The following CHRM3 variants were observed in gnomAD, a reference collection of about 807,000 sequenced individuals.
CHRM3 encodes cholinergic receptor muscarinic 3, also known as muscarinic acetylcholine receptor M3.
In CHRM3, 11 loss-of-function variants were observed where a neutral mutation model predicts 41.8. That is an observed-to-expected ratio of 0.26 (90% confidence interval 0.17 to 0.44). CHRM3 has a LOEUF of 0.44. Among genes scored for constraint, CHRM3 ranks in the 20% least tolerant of loss-of-function variants. CHRM3 has a pLI of 1.00. For missense variants in CHRM3, 571 were observed against 745.4 expected (o/e 0.77, Z 2.72); for synonymous variants, 297 against 301.4 (o/e 0.99, Z 0.15).
At chr1:239,392,751 A>G (rs941501958) in intron 1 of CHRM3, among the ~76,000 whole-genome samples, 5 of 152,206 alleles carry the variant, frequency 3.3e-5, no homozygotes, top group South Asian at 2.1e-4. Context: ...ATATAAAAAT[A>G]TTCTGTCACT....
chr1:239,653,843 C>G (rs574612850), intron 4 of CHRM3, among the ~76,000 whole-genome samples: 1 of 152,178 alleles, frequency 6.6e-6, no homozygotes, highest in Non-Finnish European at 1.5e-5. Context: ...GAGAGAGTTG[C>G]AATCTTTTTG....
Position 239,843,464 on chromosome 1 carries a change from T to C in CHRM3, c.-20+16086T>C, listed in dbSNP as rs982775966. ...TCGCTTTCCTTTTTTTTTTTTTTTT[T>C]TTTTTTGGCATTCCTCTTAGGACTT... On this transcript the variant is annotated intron_variant, in intron 6 of 6. Transcript: ENST00000676153. Among the ~76,000 whole-genome samples the C allele has an allele frequency of 1.6e-4, 24 of 149,664 alleles. No homozygotes were observed. In the East Asian group the frequency reaches 4.7e-3, roughly 30 times the overall value.
In CHRM3 at chr1:239,623,035, T is replaced by C. The variant is rs1327568153; in HGVS notation, c.-312-9189T>C. On this transcript the variant is annotated intron_variant, in intron 3 of 6. Coordinates refer to ENST00000676153, the MANE Select transcript of CHRM3 (RefSeq NM_001375978.1). ...CCTGATCAGTCAGCACCCATCAACA[T>C]TGAGGCAAACCCTCCACCAAAAAAA... is the stretch of plus-strand genomic sequence containing the variant. Among the ~76,000 whole-genome samples, 8 of 152,120 alleles carry C rather than the reference T, an allele frequency of 5.3e-5. No individual in the cohort carries two copies. In the East Asian group the frequency reaches 1.4e-3, roughly 26 times the overall value.
intron 5 of CHRM3, among the ~76,000 whole-genome samples, chr1:239,826,666 G>C (rs1381161244): frequency 6.6e-6 from 1 of 152,134 alleles, no homozygotes; most frequent in East Asian, 1.9e-4. Flanking sequence ...TTGTTAAATA[G>C]ATTTTTGATA....
chr1:239,511,715 G>T (rs192737596), intron 2 of CHRM3, among the ~76,000 whole-genome samples: 1 of 152,180 alleles, frequency 6.6e-6, no homozygotes, highest in South Asian at 2.1e-4. Flanking sequence ...AAGTTTAATC[G>T]TACAAAGTAC....
chr1:239,399,693 G>A (rs1162978794), intron 1 of CHRM3, among the ~76,000 whole-genome samples: 4 of 149,778 alleles, frequency 2.7e-5, no homozygotes, highest in Admixed American at 6.8e-5. Flanking sequence ...TCTTTTAAGC[G>A]TGAATGGTAT....
chr1:239,640,829 G>A (rs1266429515), intron 4 of CHRM3, among the ~76,000 whole-genome samples: 1 of 148,110 alleles, frequency 6.8e-6, no homozygotes, highest in African/African-American at 2.5e-5. Flanking sequence ...GTTTGCTCTT[G>A]CTTTTCTAGT....
chr1:239,839,917 A>G (rs1240922719), intron 6 of CHRM3, among the ~76,000 whole-genome samples: 1 of 152,220 alleles, frequency 6.6e-6, no homozygotes, highest in Admixed American at 6.5e-5. Context: ...TTCTCCCAGC[A>G]GGCAAGAAAG....
intron 6 of CHRM3, among the ~76,000 whole-genome samples, chr1:239,887,807 A>G (rs1442105994): frequency 6.6e-6 from 1 of 152,196 alleles, no homozygotes; most frequent in Non-Finnish European, 1.5e-5. Flanking sequence ...TGAAGCTAAT[A>G]AAGCTGAAAC....
intron 3 of CHRM3, chr1:239,606,300 G>A (rs1558367011): frequency 7.5e-6 from 1 of 133,114 alleles, no homozygotes; most frequent in African/African-American, 2.7e-5. Context: ...GGGGGGGGAA[G>A]AATCTCACTC....
At chr1:239,750,072 A>T (rs1427244120) in intron 5 of CHRM3, among the ~76,000 whole-genome samples, 1 of 152,192 alleles carries the variant, frequency 6.6e-6, no homozygotes, top group Admixed American at 6.5e-5. Context: ...TGTAAGAATC[A>T]CCCATTCAGA....
chr1:239,813,833 C>T (rs1477601588), intron 5 of CHRM3, among the ~76,000 whole-genome samples: 5 of 136,448 alleles, frequency 3.7e-5, no homozygotes, highest in African/African-American at 6.1e-5. Flanking sequence ...AGGAGAATGG[C>T]GTGAACCCGG....
At chr1:239,884,389 A>C (rs1677895189) in intron 6 of CHRM3, among the ~76,000 whole-genome samples, 1 of 152,188 alleles carries the variant, frequency 6.6e-6, no homozygotes, top group African/African-American at 2.4e-5. Flanking sequence ...GGGACAAGGA[A>C]AGGATTCTCT....
intron 6 of CHRM3, among the ~76,000 whole-genome samples, chr1:239,839,416 CT>C (rs1673595559): frequency 6.6e-6 from 1 of 152,136 alleles, no homozygotes; most frequent in Non-Finnish European, 1.5e-5. Flanking sequence ...CTCTGTTGGG[CT>C]TTTGGAATGC....
chr1:239,621,865 C>CGCCG (rs1668400394), intron 3 of CHRM3, among the ~76,000 whole-genome samples: 1 of 143,266 alleles, frequency 7.0e-6, no homozygotes, highest in African/African-American at 2.5e-5. Flanking sequence ...TGTAGATCGA[C>CGCCG]CAGCCTTCTG....
At chr1:239,893,928 C>T (rs1411384169) in intron 6 of CHRM3, among the ~76,000 whole-genome samples, 1 of 152,020 alleles carries the variant, frequency 6.6e-6, no homozygotes, top group Non-Finnish European at 1.5e-5. Flanking sequence ...GGTTTTTCCG[C>T]TTTGTATCTT....
intron 5 of CHRM3, chr1:239,704,031 G>A (rs1660917581): frequency 2.0e-5 from 3 of 152,172 alleles, no homozygotes; most frequent in South Asian, 4.1e-4. Flanking sequence ...ACATTTATCC[G>A]TTGGAGTTTT....
chr1:239,568,048 A>G (rs1661511336), intron 3 of CHRM3, among the ~76,000 whole-genome samples: 1 of 152,082 alleles, frequency 6.6e-6, no homozygotes, highest in Non-Finnish European at 1.5e-5. Flanking sequence ...TCCACCTCAC[A>G]GCAACTGAGG....
intron 6 of CHRM3, among the ~76,000 whole-genome samples, chr1:239,862,328 G>C (rs1415254240): frequency 2.6e-5 from 4 of 152,174 alleles, no homozygotes; most frequent in Non-Finnish European, 5.9e-5. Context: ...CATCCCTGCA[G>C]CTTAACTTCT....
Sources: gnomAD v4.1 joint callset for allele counts (sites outside exome capture counted in the v4.1 genomes callset) on GRCh38, gnomAD v4.1.1 for gene constraint, MANE v1.5 for transcripts, NCBI Gene and HGNC (gene_info 2026-07-23, HGNC 2026-07-21) for gene names.